The following TCF20 variants were observed in gnomAD, a reference collection of about 807,000 sequenced individuals.
TCF20 encodes the protein SPRE-binding protein.
TCF20 carries 3 observed loss-of-function variants against 148.6 expected under a neutral mutation model. The ratio of observed to expected loss-of-function variants is 0.02; its 90% CI spans 0.01 to 0.05. The LOEUF (loss-of-function observed/expected upper bound fraction) is 0.05. Ranked by LOEUF, TCF20 falls within the 10% of genes least tolerant of loss-of-function variation. TCF20 has a pLI of 1.00. For synonymous variants in TCF20, 1,049 were observed against 909.5 expected (o/e 1.15, Z -2.76); for missense variants, 2,350 against 2,429.3 (o/e 0.97, Z 0.69).
chr22:42,264,559 C>G (rs1160391418), intron 1 of TCF20, among the ~76,000 whole-genome samples: 1 of 152,202 alleles, frequency 6.6e-6, no homozygotes, highest in Non-Finnish European at 1.5e-5. Flanking sequence ...TCTCAAGATG[C>G]TCAGGGCTAA....
At chr22:42,286,827 C>A (rs774366431), upstream of TCF20, among the ~76,000 whole-genome samples, 1 of 152,206 alleles carries the variant, frequency 6.6e-6, no homozygotes, top group Non-Finnish European at 1.5e-5. Context: ...TCGTACCAGG[C>A]CAGGCACTTC....
upstream of TCF20, among the ~76,000 whole-genome samples, chr22:42,270,947 G>T (rs1926594082): frequency 6.6e-6 from 1 of 152,082 alleles, no homozygotes; most frequent in Admixed American, 6.5e-5. Flanking sequence ...GGCCGTCTTG[G>T]GGGTGGACGC....
chr22:42,190,842 A>G (rs562752644), intron 2 of TCF20, among the ~76,000 whole-genome samples: 51 of 152,278 alleles, frequency 3.3e-4, no homozygotes, highest in African/African-American at 1.2e-3. Flanking sequence ...AATAATTTCT[A>G]CCAAGGTGCC....
At position 42,304,589 on chromosome 22, in the gene TCF20, G is replaced by A. The variant is rs578085939; in HGVS notation, c.-37+38890C>T. ...GGTCCTGGGAGGTACAGGGTAGCAA[G>A]TCTACGTCTGTTGTGCCAGGCAGGC... On this transcript the variant is annotated intron_variant, in intron 1 of 1. Transcript: ENST00000515426. 8.5e-5 allele frequency among the ~76,000 whole-genome samples: 13 copies of A among 152,334 alleles called. No homozygotes were observed. The South Asian group carries it at 2.5e-3, about 29-fold the overall frequency.
At chr22:42,259,760 T>G (rs1925931187) in intron 1 of TCF20, among the ~76,000 whole-genome samples, 1 of 152,130 alleles carries the variant, frequency 6.6e-6, no homozygotes, top group African/African-American at 2.4e-5. Flanking sequence ...TTTGGCCCAC[T>G]GTGTATCAAA....
At chr22:42,303,997 G>A (rs541614717) in intron 1 of TCF20, among the ~76,000 whole-genome samples, 1 of 152,202 alleles carries the variant, frequency 6.6e-6, no homozygotes, top group Non-Finnish European at 1.5e-5. Context: ...CCATACTCCA[G>A]TCTAGCTGTG....
At chr22:42,236,052 G>A (rs991152872) in intron 1 of TCF20, among the ~76,000 whole-genome samples, 1 of 152,012 alleles carries the variant, frequency 6.6e-6, no homozygotes, top group African/African-American at 2.4e-5. Flanking sequence ...AAATTAGCTG[G>A]GCATGGTGGC....
chr22:42,242,219 A>C (rs1365840523), intron 1 of TCF20, among the ~76,000 whole-genome samples: 1 of 138,416 alleles, frequency 7.2e-6, no homozygotes, highest in Non-Finnish European at 1.6e-5. Flanking sequence ...AAAAAAAAAA[A>C]AAAAAAAACA....
upstream of TCF20, among the ~76,000 whole-genome samples, chr22:42,273,064 C>A (rs1201240259): frequency 6.6e-6 from 1 of 152,008 alleles, no homozygotes. Flanking sequence ...GTGGGACTCT[C>A]AAGAGAGCTG....
At chr22:42,304,519 T>C (rs1227848233) in intron 1 of TCF20, among the ~76,000 whole-genome samples, 1 of 152,194 alleles carries the variant, frequency 6.6e-6, no homozygotes, top group African/African-American at 2.4e-5. Flanking sequence ...ACAAAGCCTG[T>C]TGCATGCTGC....
intron 1 of TCF20, among the ~76,000 whole-genome samples, chr22:42,264,497 T>C (rs1376440373): frequency 6.6e-6 from 1 of 152,172 alleles, no homozygotes; most frequent in Non-Finnish European, 1.5e-5. Flanking sequence ...ACCAAAAAGA[T>C]ATAAACAGAG....
At chr22:42,322,323 T>G (rs1927747325) in intron 1 of TCF20, among the ~76,000 whole-genome samples, 1 of 151,846 alleles carries the variant, frequency 6.6e-6, no homozygotes, top group Non-Finnish European at 1.5e-5. Flanking sequence ...GAGCCCAGCA[T>G]GCACCATAAG....
chr22:42,279,141 G>A lies in TCF20; in HGVS notation c.-37+4686C>T, dbSNP rs975284147. Among the ~76,000 whole-genome samples the A allele has an allele frequency of 4.6e-5, 7 of 152,028 alleles. No individual in the cohort carries two copies. The highest frequency in any genetic ancestry group is 1.4e-4 in the African/African-American group (6 of 41,390). On this transcript the variant is annotated intron_variant, in intron 1 of 5. Coordinates refer to the TCF20 transcript ENST00000359486. The surrounding 1 kb of genome is among the most constrained non-coding windows in gnomAD (Gnocchi z 4.3). ...AGGGCTCTCTAGGCTTCCTTTACCC[G>A]TCCTGCCTCAGATGGACTCCCAGCA...
At chr22:42,246,082 G>A (rs938339115) in intron 1 of TCF20, among the ~76,000 whole-genome samples, 4 of 151,992 alleles carry the variant, frequency 2.6e-5, no homozygotes, top group Non-Finnish European at 5.9e-5. Context: ...TAAAATACTA[G>A]ACCCAATTTG....
At chr22:42,330,563 G>A (rs961741191) in intron 1 of TCF20, among the ~76,000 whole-genome samples, 5 of 152,298 alleles carry the variant, frequency 3.3e-5, no homozygotes, top group Admixed American at 3.3e-4. Flanking sequence ...AAAACTCCAC[G>A]AATGCAGAAC....
chr22:42,329,283 C>A (rs1249990238), intron 1 of TCF20, among the ~76,000 whole-genome samples: 1 of 152,234 alleles, frequency 6.6e-6, no homozygotes, highest in African/African-American at 2.4e-5. Context: ...CACAGGCTGC[C>A]AAGGGCTGCT....
Position 42,323,193 on chromosome 22 carries a change from C to T in TCF20, c.-37+20286G>A, listed in dbSNP as rs537302293. Among the ~76,000 whole-genome samples the T allele has an allele frequency of 3.3e-5, 5 of 151,832 alleles. No homozygotes were observed. In the East Asian group the frequency reaches 7.7e-4, roughly 23 times the overall value. ...TTGAGATTACAGGCGTGAGCCACCA[C>T]GCCCAGCCCACCTGGCTGTTTTCTT... is the stretch of plus-strand genomic sequence containing the variant. On this transcript the variant is annotated intron_variant, in intron 1 of 1. Coordinates refer to the TCF20 transcript ENST00000515426.
chr22:42,194,837 G>A (rs942757262), intron 2 of TCF20, among the ~76,000 whole-genome samples: 2 of 151,874 alleles, frequency 1.3e-5, no homozygotes, highest in African/African-American at 4.8e-5. Context: ...CATGGGGAGG[G>A]CAGGCCTCTG....
chr22:42,286,150 A>T (rs1316068216), upstream of TCF20, among the ~76,000 whole-genome samples: 2 of 152,170 alleles, frequency 1.3e-5, no homozygotes, highest in Admixed American at 1.3e-4. Flanking sequence ...AGAGGGTCTC[A>T]GCACAGTGCA....
Sources: gnomAD v4.1 joint callset for allele counts (sites outside exome capture counted in the v4.1 genomes callset) on GRCh38, gnomAD v4.1.1 for gene constraint, Gnocchi (gnomAD v3.1) non-coding constraint, MANE v1.5 for transcripts, NCBI Gene and HGNC (gene_info 2026-07-23, HGNC 2026-07-21) for gene names.